PXDN: variants seen among roughly 807,000 people sequenced by gnomAD.
The protein encoded by PXDN is peroxidasin.
Under a neutral mutation model 140.3 loss-of-function variants are expected in PXDN, and 77 were observed. The observed-to-expected ratio is 0.55, with a 90% CI of 0.46 to 0.66. The LOEUF is 0.66. Among genes scored for constraint, PXDN ranks in the 30% least tolerant of loss-of-function variants. The probability of loss-of-function intolerance (pLI) is 0.00; values close to 1 mark genes in which losing one functional copy is unlikely to be tolerated. For synonymous variants in PXDN, 911 were observed against 857.4 expected (o/e 1.06, Z -1.09); for missense variants, 1,838 against 2,039.5 (o/e 0.90, Z 1.90).
intron 1 of PXDN, among the ~76,000 whole-genome samples, chr2:1,721,111 C>T (rs949502626): frequency 6.6e-6 from 1 of 152,196 alleles, no homozygotes; most frequent in Non-Finnish European, 1.5e-5. Context: ...CCTCTAAAAA[C>T]CCCTTCACAG....
intron 1 of PXDN, among the ~76,000 whole-genome samples, chr2:1,732,822 T>C (rs968001008): frequency 6.6e-6 from 1 of 152,228 alleles, no homozygotes; most frequent in African/African-American, 2.4e-5. Flanking sequence ...AACCCAGAGC[T>C]GCCACAGATG....
At position 1,639,473 on chromosome 2, in the gene PXDN, G is replaced by C; in HGVS notation, c.3953-51C>G. The C allele has an allele frequency of 6.2e-7, 1 of 1,608,510 alleles. No homozygotes were observed. The highest frequency in any genetic ancestry group is 8.5e-7 in the Non-Finnish European group (1 of 1,175,806). ...GTCAGCTCTGAAGGCTCTGACCTCG[G>C]GGAAATTAAGCACATCCTGCCAACT... On this transcript the variant is annotated intron_variant, in intron 19 of 22. Transcript: ENST00000252804. The surrounding 1 kb of genome is among the most constrained non-coding windows in gnomAD (Gnocchi z 5.0).
rs1295035038 is a variant in PXDN, at chr2:1,651,999, AC to A, written c.2104+1628del. 1.3e-5 allele frequency among the ~76,000 whole-genome samples: 2 copies of A among 152,210 alleles called. No individual in the cohort carries two copies. The highest frequency in any genetic ancestry group is 2.9e-5 in the Non-Finnish European group (2 of 68,042). On this transcript the variant is annotated intron_variant, in intron 16 of 22. Transcript: ENST00000252804. The surrounding 1 kb of genome is among the most constrained non-coding windows in gnomAD (Gnocchi z 4.4). ...TGAAGAAATGAGTGCCTGCATGTGC[AC>A]CTAACTGCTGCTTGGGTAAACAGCA...
chr2:1,744,100 C>G (rs1685629764), intron 1 of PXDN, among the ~76,000 whole-genome samples, 156 bp downstream of exon 1: 1 of 151,744 alleles, frequency 6.6e-6, no homozygotes, highest in Non-Finnish European at 1.5e-5. Flanking sequence ...CCACGTCCCC[C>G]TTCGGAGGTT....
chr2:1,708,770 T>C, intron 1 of PXDN, among the ~76,000 whole-genome samples: 1 of 152,222 alleles, frequency 6.6e-6, no homozygotes. Flanking sequence ...ACATCTTTTA[T>C]GGTATCGATT....
intron 11 of PXDN, chr2:1,663,996 G>C: frequency 1.8e-6 from 1 of 548,150 alleles, no homozygotes; most frequent in East Asian, 3.1e-5. Flanking sequence ...AGAACAGAGG[G>C]AAAAGCACTA....
At position 1,714,043 on chromosome 2, in the gene PXDN, A is replaced by AT. The variant is rs1684842423; in HGVS notation, c.201-20910dup. The stretch of plus-strand genomic sequence containing the variant: ...CATGGCCCAGCCTGGGCAACCTACG[A>AT]TAATATTGGCACTGGCGGCTTTGGA... On this transcript the variant is annotated intron_variant, in intron 1 of 22. Coordinates refer to ENST00000252804, the MANE Select transcript of PXDN (RefSeq NM_012293.3). The surrounding 1 kb of genome is among the most constrained non-coding windows in gnomAD (Gnocchi z 4.3). Among the ~76,000 whole-genome samples, 1 of 152,186 alleles carries AT rather than the reference A, an allele frequency of 6.6e-6. No individual in the cohort carries two copies. The highest frequency in any genetic ancestry group is 6.5e-5 in the Admixed American group (1 of 15,280).
chr2:1,718,444 C>T (rs1684943358), intron 1 of PXDN, among the ~76,000 whole-genome samples: 1 of 152,084 alleles, frequency 6.6e-6, no homozygotes, highest in South Asian at 2.1e-4. Flanking sequence ...TACTAACCTA[C>T]TCTAACTTAC....
chr2:1,671,008 G>T (rs1683563024), intron 9 of PXDN, among the ~76,000 whole-genome samples: 1 of 152,054 alleles, frequency 6.6e-6, no homozygotes, highest in Non-Finnish European at 1.5e-5. Flanking sequence ...GATAAACAAA[G>T]GAAGGACAAA....
At position 1,693,142 on chromosome 2, in the gene PXDN, G is replaced by C; in HGVS notation, c.201-8C>G. On this transcript the variant is annotated splice_polypyrimidine_tract_variant and splice_region_variant and intron_variant, in intron 1 of 22. Transcript: ENST00000252804. ...CTGTTAAAGCGAAGATCTCTGTGAA[G>C]AAACAAGAAAGGTATTATTACGTGA... is the stretch of plus-strand genomic sequence containing the variant. The C allele has an allele frequency of 1.3e-6, 2 of 1,542,760 alleles. No individual in the cohort carries two copies. The highest frequency in any genetic ancestry group is 1.8e-6 in the Non-Finnish European group (2 of 1,140,920).
In PXDN at chr2:1,744,503, G is replaced by C; in HGVS notation, c.-48C>G. On this transcript the variant is annotated 5_prime_UTR_variant, in exon 1 of 23. Transcript: ENST00000252804. ...TCGGACGCACGGAGCCACCACGGCCGGCTCCCGACTGCGCCCGCCCGGCCG... is the reference window on the plus strand; with the variant it reads ...TCGGACGCACGGAGCCACCACGGCCCGCTCCCGACTGCGCCCGCCCGGCCG... 9 of 1,331,272 alleles carry C rather than the reference G, an allele frequency of 6.8e-6. No individual in the cohort carries two copies. Among genetic ancestry groups the C allele is most frequent in the Non-Finnish European group, 8.6e-6 (9 of 1,049,114 alleles). The allele number at this position is 1,331,272 out of a possible 1,614,324, so 82.5% of individuals were successfully genotyped here. A position where few individuals can be genotyped will look rare whatever the true frequency, so the allele number is the denominator to read the frequency against.
intron 1 of PXDN, among the ~76,000 whole-genome samples, chr2:1,710,600 C>CCCTCT (rs1308455617): frequency 9.0e-5 from 10 of 111,112 alleles, no homozygotes; most frequent in Non-Finnish European, 4.3e-5. Context: ...TCCACCAGCA[C>CCCTCT]CCACTCTCCA....
chr2:1,673,144 T>G (rs1375292307), intron 9 of PXDN, among the ~76,000 whole-genome samples: 1 of 152,260 alleles, frequency 6.6e-6, no homozygotes, highest in African/African-American at 2.4e-5. Context: ...CAGCTGGACT[T>G]GATGCGGCTG....
chr2:1,713,660 C>A (rs976560185), intron 1 of PXDN, among the ~76,000 whole-genome samples: 2 of 152,188 alleles, frequency 1.3e-5, no homozygotes, highest in Non-Finnish European at 2.9e-5. Context: ...GAGCCTCGGT[C>A]CCCCCGAATG....
In PXDN at chr2:1,649,178, G is replaced by T; in HGVS notation, c.2602C>A (p.Arg868=). 6.2e-7 allele frequency: 1 copy of T among 1,609,442 alleles called. No homozygotes were observed. The part of the protein sequence containing the change: ...FSVMIPPNDS[R]ARSGARCMFF... ...ATGCAGCGGGCCCCGCTCCTGGCCCGGGAGTCATTGGGGGGGATCATGACA... is the reference window on the plus strand; with the variant it reads ...ATGCAGCGGGCCCCGCTCCTGGCCCTGGAGTCATTGGGGGGGATCATGACA... Residue 868 remains arginine, a synonymous_variant, in exon 17 of 23, where the codon CGG becomes AGG. Coordinates refer to ENST00000252804, the MANE Select transcript of PXDN (RefSeq NM_012293.3). The surrounding 1 kb of genome is among the most constrained non-coding windows in gnomAD (Gnocchi z 7.1).
At chr2:1,653,927 G>C in intron 15 of PXDN, 142 bp from the exon 16 acceptor site, 1 of 1,006,068 alleles carries the variant, frequency 9.9e-7, no homozygotes, top group Non-Finnish European at 1.4e-6. Context: ...TTCCTCATCC[G>C]AAGTGGGAGG....
In PXDN at chr2:1,649,552, G is replaced by C. The variant is rs758592134; in HGVS notation, c.2228C>G (p.Thr743Arg). The change falls in exon 17 of 23, where the codon ACG becomes AGG. Residue 743 changes from threonine (T) to arginine (R), a missense_variant. Coordinates refer to ENST00000252804, the MANE Select transcript of PXDN (RefSeq NM_012293.3). The surrounding 1 kb of genome is among the most constrained non-coding windows in gnomAD (Gnocchi z 7.1). Reference protein sequence around the residue: ...SDMCFHQKYRTHDGTCNNLQH... With the variant: ...SDMCFHQKYRRHDGTCNNLQH... ...CAGGTTGTTACAGGTGCCGTCGTGC[G>C]TCCGGTACTTCTGGTGGAAGCACAT... 5 of 1,614,046 alleles carry C rather than the reference G, an allele frequency of 3.1e-6. No individual in the cohort carries two copies. Among genetic ancestry groups the C allele is most frequent in the Non-Finnish European group, 3.4e-6 (4 of 1,179,898 alleles).
At chr2:1,634,601 T>C (rs1682500373) in intron 22 of PXDN, among the ~76,000 whole-genome samples, 1 of 152,128 alleles carries the variant, frequency 6.6e-6, no homozygotes, top group Non-Finnish European at 1.5e-5. Context: ...CCTCTCACCC[T>C]GAGGGGCCAA....
intron 1 of PXDN, among the ~76,000 whole-genome samples, chr2:1,742,174 G>C (rs1685559327): frequency 6.6e-6 from 1 of 152,224 alleles, no homozygotes; most frequent in Admixed American, 6.5e-5. Context: ...ATAGCGTCAG[G>C]AGCTGCGCTT....
Sources: allele counts gnomAD v4.1 joint callset (sites outside exome capture counted in the v4.1 genomes callset), GRCh38; gene constraint gnomAD v4.1.1; non-coding constraint Gnocchi (gnomAD v3.1); transcripts MANE v1.5; gene names NCBI Gene and HGNC (gene_info 2026-07-23, HGNC 2026-07-21).